The following EXOC4 variants were observed in gnomAD, a reference collection of about 807,000 sequenced individuals.
EXOC4 encodes exocyst complex component 4, also known as SEC8-like 1.
In EXOC4, 71 loss-of-function variants were observed where a neutral mutation model predicts 107.2. The ratio of observed to expected loss-of-function variants is 0.66; its 90% confidence interval spans 0.55 to 0.81. EXOC4 has a LOEUF of 0.81. Among genes scored for constraint, EXOC4 ranks in the 30% least tolerant of loss-of-function variants. EXOC4 has a pLI of 0.00. For synonymous variants in EXOC4, 456 were observed against 441.2 expected (o/e 1.03, Z -0.42); for missense variants, 1,108 against 1,189.6 (o/e 0.93, Z 1.01).
chr7:133,867,832 T>C (rs1038574437), intron 11 of EXOC4, among the ~76,000 whole-genome samples: 1 of 152,182 alleles, frequency 6.6e-6, no homozygotes, highest in African/African-American at 2.4e-5. Flanking sequence ...AGCAAATGTG[T>C]ATTGATTAAC....
chr7:133,909,115 G>A (rs1799631478), intron 12 of EXOC4, among the ~76,000 whole-genome samples: 1 of 152,082 alleles, frequency 6.6e-6, no homozygotes, highest in Non-Finnish European at 1.5e-5. Context: ...TTTTTATGTC[G>A]TTTGTTATTT....
intron 14 of EXOC4, among the ~76,000 whole-genome samples, chr7:133,989,602 C>T (rs1322177460): frequency 6.6e-6 from 1 of 152,090 alleles, no homozygotes; most frequent in Non-Finnish European, 1.5e-5. Flanking sequence ...AGTAAAGGGC[C>T]AGTGAATTCA....
chr7:133,674,451 AT>A (rs1293039640), intron 10 of EXOC4, among the ~76,000 whole-genome samples: 1 of 152,058 alleles, frequency 6.6e-6, no homozygotes. Flanking sequence ...TAAGGTTTGA[AT>A]TTTTGCAATT....
chr7:133,807,168 C>G (rs925005098), intron 10 of EXOC4, among the ~76,000 whole-genome samples: 9 of 152,042 alleles, frequency 5.9e-5, no homozygotes, highest in African/African-American at 1.7e-4. Flanking sequence ...AACCAGTCCC[C>G]CAGGGATACT....
chr7:133,905,367 G>T (rs893763065), intron 12 of EXOC4, among the ~76,000 whole-genome samples: 1 of 152,140 alleles, frequency 6.6e-6, no homozygotes, highest in African/African-American at 2.4e-5. Context: ...GGGAAATGAG[G>T]GCTAGAAGTC....
rs554892490 is a variant in EXOC4, at chr7:133,449,602, G to T, written c.1183-25726G>T. On this transcript the variant is annotated intron_variant, in intron 7 of 17. Transcript: ENST00000253861. ...AGCTATCGTGATTTTTGTTCTTTTT[G>T]TAAGTTCCTTATTCTATCTGTATCT... Among the ~76,000 whole-genome samples, 245 of 151,996 alleles carry T rather than the reference G, an allele frequency of 1.6e-3. 1 individual carries two copies. Among genetic ancestry groups the T allele is most frequent in the African/African-American group, 5.6e-3 (231 of 41,448 alleles).
At chr7:133,379,153 T>C (rs1227366606) in intron 7 of EXOC4, among the ~76,000 whole-genome samples, 2 of 152,240 alleles carry the variant, frequency 1.3e-5, no homozygotes, top group African/African-American at 4.8e-5. Flanking sequence ...GACACACACA[T>C]GCATTTTTCT....
intron 10 of EXOC4, among the ~76,000 whole-genome samples, chr7:133,781,713 C>G (rs539163089): frequency 6.6e-6 from 1 of 152,170 alleles, no homozygotes; most frequent in Non-Finnish European, 1.5e-5. Flanking sequence ...TTCACCTCTT[C>G]GAGTCTCCCA....
At chr7:133,291,805 T>A (rs1029035432) in intron 3 of EXOC4, among the ~76,000 whole-genome samples, 10 of 152,194 alleles carry the variant, frequency 6.6e-5, no homozygotes, top group African/African-American at 2.4e-4. Context: ...ACTGAGGATC[T>A]AATTTTATCT....
chr7:133,345,693 C>A (rs1795769133), intron 5 of EXOC4, among the ~76,000 whole-genome samples: 1 of 152,170 alleles, frequency 6.6e-6, no homozygotes, highest in Non-Finnish European at 1.5e-5. Context: ...GACCTACCAT[C>A]ATTTCCCTCT....
intron 11 of EXOC4, among the ~76,000 whole-genome samples, chr7:133,821,056 C>T (rs1797509485): frequency 6.6e-6 from 1 of 152,114 alleles, no homozygotes; most frequent in African/African-American, 2.4e-5. Context: ...AAGTGTTAGC[C>T]CAAGCTGATA....
intron 7 of EXOC4, among the ~76,000 whole-genome samples, chr7:133,426,885 A>G (rs541393125): frequency 5.9e-5 from 9 of 152,310 alleles, no homozygotes; most frequent in African/African-American, 1.7e-4. Context: ...CTCTTAAGGT[A>G]TAACAGGGAA....
intron 3 of EXOC4, among the ~76,000 whole-genome samples, chr7:133,304,521 A>T (rs1794710569): frequency 6.6e-6 from 1 of 152,156 alleles, no homozygotes; most frequent in African/African-American, 2.4e-5. Context: ...TGCTACTGAC[A>T]TTTGATTATA....
chr7:133,568,941 C>G (rs1563111094), intron 9 of EXOC4, among the ~76,000 whole-genome samples: 1 of 152,098 alleles, frequency 6.6e-6, no homozygotes, highest in Non-Finnish European at 1.5e-5. Flanking sequence ...AATAGATCAA[C>G]TGATATGATT....
the EXOC4 span, among the ~76,000 whole-genome samples, chr7:134,093,722 A>G: frequency 6.6e-6 from 1 of 152,200 alleles, no homozygotes; most frequent in African/African-American, 2.4e-5. Flanking sequence ...TATACCAACC[A>G]TACTCTCAGA....
At chr7:133,678,041 A>T (rs1202056890) in intron 10 of EXOC4, among the ~76,000 whole-genome samples, 1 of 152,232 alleles carries the variant, frequency 6.6e-6, no homozygotes, top group African/African-American at 2.4e-5. Flanking sequence ...ACCTTTTAAA[A>T]AGTATGAACT....
chr7:133,510,226 G>T (rs1799743692), intron 9 of EXOC4, among the ~76,000 whole-genome samples: 1 of 152,092 alleles, frequency 6.6e-6, no homozygotes, highest in Admixed American at 6.5e-5. Flanking sequence ...TCGTGATGTG[G>T]TCTTTTGTAT....
At chr7:133,824,299 T>C (rs1797646335) in intron 11 of EXOC4, among the ~76,000 whole-genome samples, 1 of 151,960 alleles carries the variant, frequency 6.6e-6, no homozygotes, top group South Asian at 2.1e-4. Context: ...CCTTCCTTCC[T>C]GAACTCTACT....
intron 7 of EXOC4, among the ~76,000 whole-genome samples, chr7:133,423,998 C>T (rs569079513): frequency 6.6e-6 from 1 of 152,278 alleles, no homozygotes; most frequent in South Asian, 2.1e-4. Flanking sequence ...ACTTTTCTGT[C>T]TAGCTACAGG....
Sources: gnomAD v4.1 joint callset for allele counts (sites outside exome capture counted in the v4.1 genomes callset) on GRCh38, gnomAD v4.1.1 for gene constraint, MANE v1.5 for transcripts, NCBI Gene and HGNC (gene_info 2026-07-23, HGNC 2026-07-21) for gene names.